PIBF1: variants seen among roughly 807,000 people sequenced by gnomAD.
PIBF1 encodes the protein progesterone immunomodulatory binding factor 1, also known as progesterone-induced-blocking factor 1.
Under a neutral mutation model 112.5 loss-of-function variants are expected in PIBF1, and 90 were observed. That is an observed-to-expected ratio of 0.80 (90% confidence interval 0.67 to 0.95). PIBF1 has a LOEUF of 0.95. Ranked by LOEUF, PIBF1 falls within the 40% of genes least tolerant of loss-of-function variation. The probability of loss-of-function intolerance (pLI) is 0.00; values close to 1 mark genes in which losing one functional copy is unlikely to be tolerated. For missense variants in PIBF1, 915 were observed against 852.3 expected (o/e 1.07, Z -0.92); for synonymous variants, 301 against 288.6 (o/e 1.04, Z -0.44).
chr13:72,966,320 A>T (rs960725377), intron 15 of PIBF1, among the ~76,000 whole-genome samples: 13 of 152,210 alleles, frequency 8.5e-5, no homozygotes, highest in African/African-American at 2.9e-4. Flanking sequence ...CACCAAAATA[A>T]TTGGTCTAGA....
chr13:72,842,389 G>C (rs181939253), intron 9 of PIBF1, among the ~76,000 whole-genome samples: 3 of 152,272 alleles, frequency 2.0e-5, no homozygotes, highest in Admixed American at 2.0e-4. Flanking sequence ...TAGAGAAAAA[G>C]AGATTGAAAA....
At chr13:72,862,452 A>G (rs1232301304) in intron 10 of PIBF1, among the ~76,000 whole-genome samples, 1 of 152,184 alleles carries the variant, frequency 6.6e-6, no homozygotes, top group Non-Finnish European at 1.5e-5. Flanking sequence ...TAAATAAATT[A>G]ATTAATTTGG....
chr13:72,788,756 C>A (rs943005213), intron 2 of PIBF1, among the ~76,000 whole-genome samples: 2 of 152,148 alleles, frequency 1.3e-5, no homozygotes, highest in African/African-American at 4.8e-5. Flanking sequence ...TAATAAAAAC[C>A]AGAGTATGTC....
chr13:72,979,838 C>T (rs1365255239), intron 16 of PIBF1, among the ~76,000 whole-genome samples: 1 of 152,114 alleles, frequency 6.6e-6, no homozygotes, highest in Non-Finnish European at 1.5e-5. Flanking sequence ...AGGAGAATGG[C>T]ATGAACCCGG....
chr13:72,929,854 CTATT>C (rs2041647781), intron 13 of PIBF1, among the ~76,000 whole-genome samples: 3 of 151,898 alleles, frequency 2.0e-5, no homozygotes, highest in Non-Finnish European at 1.5e-5. Flanking sequence ...ATATTTAACA[CTATT>C]TATTATTATT....
At chr13:72,957,093 G>A (rs2042467629) in intron 14 of PIBF1, among the ~76,000 whole-genome samples, 2 of 152,132 alleles carry the variant, frequency 1.3e-5, no homozygotes, top group African/African-American at 4.8e-5. Context: ...AACCAATATG[G>A]AAAACTGTGT....
At chr13:72,991,002 C>T (rs1360256830) in intron 16 of PIBF1, among the ~76,000 whole-genome samples, 1 of 152,226 alleles carries the variant, frequency 6.6e-6, no homozygotes, top group Non-Finnish European at 1.5e-5. Flanking sequence ...GAAAGCACTT[C>T]CATTTACCAG....
intron 15 of PIBF1, among the ~76,000 whole-genome samples, chr13:72,966,116 A>G (rs990708889): frequency 4.6e-5 from 7 of 152,194 alleles, no homozygotes; most frequent in African/African-American, 7.2e-5. Flanking sequence ...CTGATTATCA[A>G]TGTAAAAGCA....
chr13:72,942,283 A>AT (rs1236886321), intron 14 of PIBF1, among the ~76,000 whole-genome samples: 1 of 150,856 alleles, frequency 6.6e-6, no homozygotes, highest in African/African-American at 2.4e-5. Context: ...AAAAAAAAAA[A>AT]CCCACTGTTT....
At position 72,818,678 on chromosome 13, in the gene PIBF1, C is replaced by CTTTTTTTTTT. The variant is rs3077726; in HGVS notation, c.673-3158_673-3149dup. On this transcript the variant is annotated intron_variant, in intron 5 of 17. Coordinates refer to ENST00000326291, the MANE Select transcript of PIBF1 (RefSeq NM_006346.4). ...TTGCCACCATGTTATCAGTCTTAAA[C>CTTTTTTTTTT]TTTTTTTTTTTTTTTTTTTTTTGCC... 7.5e-5 allele frequency among the ~76,000 whole-genome samples: 6 copies of CTTTTTTTTTT among 80,370 alleles called. 1 individual carries two copies. The highest frequency in any genetic ancestry group is 5.1e-4 in the South Asian group (1 of 1,948). 52.7% of individuals were successfully genotyped at this position (80,370 alleles called of 152,430 possible).
intron 1 of PIBF1, among the ~76,000 whole-genome samples, chr13:72,782,710 C>T (rs1030296693): frequency 6.6e-6 from 1 of 152,114 alleles, no homozygotes; most frequent in Non-Finnish European, 1.5e-5. Flanking sequence ...TTTAGAATTT[C>T]TTGAATTTTT....
At chr13:72,856,679 T>C (rs754435954) in intron 10 of PIBF1, among the ~76,000 whole-genome samples, 14 of 152,170 alleles carry the variant, frequency 9.2e-5, no homozygotes, top group African/African-American at 1.9e-4. Context: ...AAGTTACTTA[T>C]CTGTTTTTTA....
At chr13:72,899,794 C>T (rs1484520373) in intron 11 of PIBF1, among the ~76,000 whole-genome samples, 1 of 152,104 alleles carries the variant, frequency 6.6e-6, no homozygotes, top group African/African-American at 2.4e-5. Context: ...GCATCCAAAT[C>T]AGTAAAGAGG....
intron 11 of PIBF1, among the ~76,000 whole-genome samples, chr13:72,901,919 A>G (rs1010319724): frequency 2.0e-5 from 3 of 151,622 alleles, no homozygotes; most frequent in African/African-American, 7.2e-5. Context: ...ACATGTTTAT[A>G]GCAGCACAAT....
intron 11 of PIBF1, among the ~76,000 whole-genome samples, chr13:72,896,279 G>T (rs1319092136): frequency 6.6e-6 from 1 of 152,130 alleles, no homozygotes; most frequent in Non-Finnish European, 1.5e-5. Context: ...GGAACACTTC[G>T]TGAGGAACAA....
chr13:72,859,706 G>A (rs1159551885), intron 10 of PIBF1, among the ~76,000 whole-genome samples: 2 of 152,156 alleles, frequency 1.3e-5, no homozygotes, highest in African/African-American at 4.8e-5. Context: ...AGGCTTAGAT[G>A]TGAAATGTGA....
At chr13:72,959,135 A>T (rs574836816) in intron 14 of PIBF1, among the ~76,000 whole-genome samples, 1 of 152,298 alleles carries the variant, frequency 6.6e-6, no homozygotes, top group South Asian at 2.1e-4. Flanking sequence ...AGCTGGGATT[A>T]CAGGCATGCG....
Position 72,827,112 on chromosome 13 carries a change from A to G in PIBF1, c.909A>G (p.Ser303=). 1 of 1,538,990 alleles carries G rather than the reference A, an allele frequency of 6.5e-7. No individual in the cohort carries two copies. The highest frequency in any genetic ancestry group is 1.8e-4 in the Middle Eastern group (1 of 5,672). ...MIQTKERSEL[S]KEVVTLEQTV... ...AAACAAAAGAACGAAGTGAATTATC[A>G]AAAGAGGTAAGCTTATAATTAGAGT... The change falls in exon 7 of 18, where the codon TCA becomes TCG. Residue 303 remains serine (S), a synonymous_variant. Coordinates refer to ENST00000326291, the MANE Select transcript of PIBF1 (RefSeq NM_006346.4).
chr13:72,821,826 GTTA>G lies in PIBF1; in HGVS notation c.673-17_673-15del, dbSNP rs2036568897. ...ATGTTAAGTGTTTAGTCTGAAATGT[GTTA>G]TTATTCCTTTGGTTTATAGACATAT... On this transcript the variant is annotated intron_variant, in intron 5 of 17. Coordinates refer to ENST00000326291, the MANE Select transcript of PIBF1 (RefSeq NM_006346.4). 16 of 1,583,978 alleles carry G rather than the reference GTTA, an allele frequency of 1.0e-5. No individual in the cohort carries two copies. The highest frequency in any genetic ancestry group is 3.5e-5 in the Admixed American group (2 of 56,924).
Sources: allele counts gnomAD v4.1 joint callset (sites outside exome capture counted in the v4.1 genomes callset), GRCh38; gene constraint gnomAD v4.1.1; transcripts MANE v1.5; gene names NCBI Gene and HGNC (gene_info 2026-07-23, HGNC 2026-07-21).